TAOK1: variants seen among roughly 807,000 people sequenced by gnomAD.
TAOK1 encodes serine/threonine-protein kinase TAO1.
A neutral mutation model predicts 138.3 loss-of-function variants in TAOK1; 21 were observed. The observed-to-expected ratio is 0.15, with a 90% CI of 0.11 to 0.22. TAOK1 has a LOEUF of 0.22. TAOK1 is among the 10% of genes least tolerant of loss of function. The pLI is 1.00. For missense variants in TAOK1, 651 were observed against 1,227.7 expected (o/e 0.53, Z 7.02); for synonymous variants, 361 against 398.4 (o/e 0.91, Z 1.12).
chr17:29,393,296 C>G (rs1904486327), intron 1 of TAOK1, among the ~76,000 whole-genome samples: 1 of 151,536 alleles, frequency 6.6e-6, no homozygotes, highest in Admixed American at 6.6e-5. Context: ...TCAATAGAGG[C>G]TACAAAACTT....
In TAOK1 at chr17:29,451,850, G is replaced by T. The variant is rs991863375; in HGVS notation, c.132+170G>T. 3.7e-5 allele frequency: 21 copies of T among 566,242 alleles called. No homozygotes were observed. The African/African-American group carries it at 4.0e-4, about 11-fold the overall frequency. The allele number at this position is 566,242 out of a possible 1,614,324, so 35.1% of individuals were successfully genotyped here. ...AGAGCGTGGGTGAGTGTGTGTGTCT[G>T]TGTGTAAAATTCAAATATGAAAATA... On this transcript the variant is annotated intron_variant, in intron 2 of 19. Coordinates refer to ENST00000261716, the MANE Select transcript of TAOK1 (RefSeq NM_020791.4).
intron 12 of TAOK1, among the ~76,000 whole-genome samples, chr17:29,499,621 G>T (rs190873054): frequency 4.9e-4 from 71 of 146,198 alleles, no homozygotes; most frequent in Non-Finnish European, 8.5e-4. Flanking sequence ...GTGCAGTGGC[G>T]CAATCTCGGC....
intron 2 of TAOK1, among the ~76,000 whole-genome samples, chr17:29,457,089 C>CTTTTTTTTTTTTTTTTT (rs548221652): frequency 7.0e-4 from 75 of 107,406 alleles, no homozygotes; most frequent in Non-Finnish European, 8.4e-4. Flanking sequence ...TTTTCTTTTT[C>CTTTTTTTTTTTTTTTTT]TTTTTTTTTT....
intron 18 of TAOK1, among the ~76,000 whole-genome samples, chr17:29,532,600 GC>G (rs2032139098): frequency 6.6e-6 from 1 of 152,006 alleles, no homozygotes; most frequent in African/African-American, 2.4e-5. Flanking sequence ...ATCTTGCACC[GC>G]CCTTAATCCA....
chr17:29,404,308 C>T (rs530551985), intron 1 of TAOK1, among the ~76,000 whole-genome samples: 1 of 152,076 alleles, frequency 6.6e-6, no homozygotes, highest in Admixed American at 6.6e-5. Context: ...GACTACAGCC[C>T]TGTGCTACCA....
intron 12 of TAOK1, among the ~76,000 whole-genome samples, chr17:29,501,206 G>A (rs2031516388): frequency 6.9e-6 from 1 of 144,660 alleles, no homozygotes; most frequent in African/African-American, 2.6e-5. Context: ...GCAACATAGG[G>A]AGACCCCATC....
intron 13 of TAOK1, among the ~76,000 whole-genome samples, chr17:29,504,370 AAGGAAATG>A (rs568489727): frequency 2.2e-3 from 329 of 150,580 alleles, no homozygotes; most frequent in Non-Finnish European, 3.9e-3. Context: ...AAAGGAAAGG[AAGGAAATG>A]AGGAAATGAG....
At position 29,488,678 on chromosome 17, in the gene TAOK1, C is replaced by T. The variant is rs900260505; in HGVS notation, c.656-986C>T. On this transcript the variant is annotated intron_variant, in intron 8 of 19. Transcript: ENST00000261716. ...TTTTCAGTCTATGGTTGAAATATTTCGGTTGGTTCAGTCTGTGGATGCAGA... is the reference window on the plus strand; with the variant it reads ...TTTTCAGTCTATGGTTGAAATATTTTGGTTGGTTCAGTCTGTGGATGCAGA... Among the ~76,000 whole-genome samples the T allele has an allele frequency of 5.9e-5, 9 of 151,700 alleles. No individual in the cohort carries two copies. In the South Asian group the frequency reaches 8.3e-4, roughly 14 times the overall value.
At chr17:29,508,347 G>A (rs1260481779) in intron 14 of TAOK1, among the ~76,000 whole-genome samples, 1 of 152,208 alleles carries the variant, frequency 6.6e-6, no homozygotes, top group East Asian at 1.9e-4. Flanking sequence ...AATTTTGTGT[G>A]TGGGTCATTT....
chr17:29,400,318 A>C (rs1256779039), intron 1 of TAOK1, among the ~76,000 whole-genome samples: 2 of 148,822 alleles, frequency 1.3e-5, no homozygotes, highest in African/African-American at 5.0e-5. Flanking sequence ...CACTTGAACC[A>C]GGCAGAGGTT....
chr17:29,409,700 G>C (rs145419541), intron 1 of TAOK1, among the ~76,000 whole-genome samples: 1 of 152,030 alleles, frequency 6.6e-6, no homozygotes, highest in Non-Finnish European at 1.5e-5. Context: ...GATTATTTTT[G>C]ATTTGTTTAA....
chr17:29,444,808 CAT>C (rs558122833), intron 1 of TAOK1, among the ~76,000 whole-genome samples: 273 of 152,284 alleles, frequency 1.8e-3, no homozygotes, highest in Non-Finnish European at 3.1e-3. Context: ...GAATACAGTA[CAT>C]GTCTCCATTT....
chr17:29,481,443 G>A (rs187520112), intron 7 of TAOK1, among the ~76,000 whole-genome samples: 2 of 152,026 alleles, frequency 1.3e-5, no homozygotes, highest in Admixed American at 1.3e-4. Flanking sequence ...GTCCACCTCA[G>A]CCTCCCAAAG....
At chr17:29,399,672 A>G (rs1245574229) in intron 1 of TAOK1, among the ~76,000 whole-genome samples, 1 of 152,196 alleles carries the variant, frequency 6.6e-6, no homozygotes, top group Non-Finnish European at 1.5e-5. Context: ...TAGTTAGAAT[A>G]TCAAGGTAGC....
intron 1 of TAOK1, among the ~76,000 whole-genome samples, chr17:29,414,935 G>A (rs895796279): frequency 6.6e-6 from 1 of 152,062 alleles, no homozygotes; most frequent in South Asian, 2.1e-4. Context: ...TTGATTTGTC[G>A]ATGGACATGT....
At chr17:29,465,855 T>TTTTTTTTTTTTA in intron 2 of TAOK1, among the ~76,000 whole-genome samples, 1 of 125,026 alleles carries the variant, frequency 8.0e-6, no homozygotes. Context: ...TTTTTTTTTT[T>TTTTTTTTTTTTA]TTTTTTTTTC....
At chr17:29,467,463 T>C (rs573377) in intron 3 of TAOK1, among the ~76,000 whole-genome samples, 95,968 of 151,846 alleles carry the variant, frequency 0.63, 31,779 homozygotes, top group East Asian at 0.97. Context: ...TTAGTAGAGA[T>C]GGGTTTCACC....
chr17:29,420,353 T>G (rs1196824885), intron 1 of TAOK1, among the ~76,000 whole-genome samples: 1 of 152,072 alleles, frequency 6.6e-6, no homozygotes, highest in Non-Finnish European at 1.5e-5. Context: ...TTTTTGATAT[T>G]GACTTTGTAT....
rs1366949938 is a variant in TAOK1 at position 29,547,030 on chromosome 17, G to GT, written c.*4009dup. The GT allele has an allele frequency of 6.6e-6, 1 of 152,094 alleles. No individual in the cohort carries two copies. Among genetic ancestry groups the GT allele is most frequent in the Non-Finnish European group, 1.5e-5 (1 of 67,982 alleles). 9.4% of individuals were successfully genotyped at this position (152,094 alleles called of 1,614,324 possible). ...GGGGAAGGAGCCAGTTAGTGTTTCT[G>GT]TGAGTTTGTGTTGTGATGCAATAAG... is the stretch of plus-strand genomic sequence containing the variant. On this transcript the variant is annotated 3_prime_UTR_variant, in exon 20 of 20. Coordinates refer to ENST00000261716, the MANE Select transcript of TAOK1 (RefSeq NM_020791.4).
Sources: allele counts gnomAD v4.1 joint callset (sites outside exome capture counted in the v4.1 genomes callset), GRCh38; gene constraint gnomAD v4.1.1; transcripts MANE v1.5; gene names NCBI Gene and HGNC (gene_info 2026-07-23, HGNC 2026-07-21).